Variants in CIRBP observed in about 807,000 individuals in gnomAD.
The protein encoded by CIRBP is cold-inducible RNA-binding protein.
In CIRBP, 11 loss-of-function variants were observed where a neutral mutation model predicts 22.3. The ratio of observed to expected loss-of-function variants is 0.49; its 90% confidence interval spans 0.31 to 0.82. CIRBP has a LOEUF of 0.82. Ranked by LOEUF, CIRBP falls within the 40% of genes least tolerant of loss-of-function variation. The pLI is 0.05. For missense variants in CIRBP, 456 were observed against 402.7 expected, an observed-to-expected ratio of 1.13 and a Z score of -1.13; for synonymous variants, 216 against 158.8, an observed-to-expected ratio of 1.36 and a Z score of -2.71.
intron 5 of CIRBP, 70 bp from the exon 6 acceptor site, chr19:1,271,911 G>A: frequency 2.2e-6 from 3 of 1,393,390 alleles, no homozygotes; most frequent in African/African-American, 1.4e-5. Flanking sequence ...GGGGCTGGCG[G>A]CTCAGCCTGT....
chr19:1,274,426 G>C lies in CIRBP; in HGVS notation c.*1983G>C, dbSNP rs2081389223. The C allele has an allele frequency of 2.5e-6, 1 of 399,568 alleles. No homozygotes were observed. The highest frequency in any genetic ancestry group is 2.1e-5 in the African/African-American group (1 of 48,690). 24.8% of individuals were successfully genotyped at this position (399,568 alleles called of 1,614,324 possible). On this transcript the variant is annotated 3_prime_UTR_variant, in exon 6 of 6. Transcript: ENST00000587896. Reference sequence around the variant, plus strand: ...AGAGCTGGAGGCAGCCGCTTGCCCAGGAGGCTTGTCCCCTGTAAGTGCTTT... The same window carrying C: ...AGAGCTGGAGGCAGCCGCTTGCCCACGAGGCTTGTCCCCTGTAAGTGCTTT...
Position 1,269,905 on chromosome 19 carries a change from G to C in CIRBP, c.-7+495G>C, listed in dbSNP as rs117164395. On this transcript the variant is annotated intron_variant, in intron 1 of 5. Transcript: ENST00000587896. ...CGTAAATCTTGGGTAGGCGTGGCCC[G>C]TTCTAGTGTGGTTCCTCGTCTGCCA... is the stretch of plus-strand genomic sequence containing the variant. 6.7e-5 allele frequency: 35 copies of C among 519,940 alleles called. 1 individual carries two copies. In the East Asian group the frequency reaches 1.8e-3, roughly 27 times the overall value. 32.2% of individuals were successfully genotyped at this position (519,940 alleles called of 1,614,324 possible).
At position 1,270,525 on chromosome 19, in the gene CIRBP, T is replaced by C. The variant is rs536221505; in HGVS notation, c.-6-403T>C. On this transcript the variant is annotated intron_variant, in intron 1 of 5. Coordinates refer to ENST00000587896, the MANE Select transcript of CIRBP (RefSeq NM_001300829.2). Reference sequence around the variant, plus strand: ...GCTCACACCTGTAATCCCAAAACTTTGGGTGGCCAAGGTGGGAGGATTGCT... The same window carrying C: ...GCTCACACCTGTAATCCCAAAACTTCGGGTGGCCAAGGTGGGAGGATTGCT... 1.2e-4 allele frequency among the ~76,000 whole-genome samples: 19 copies of C among 152,240 alleles called. No individual in the cohort carries two copies. In the South Asian group the frequency reaches 3.7e-3, roughly 30 times the overall value.
At chr19:1,269,972 C>G (rs368251962) in intron 1 of CIRBP, 60 of 519,954 alleles carry the variant, frequency 1.2e-4, no homozygotes, top group African/African-American at 1.1e-3. Context: ...GTTGGCACAG[C>G]TCCCAGTGCC....
In CIRBP at chr19:1,272,691, CTT is replaced by C. The variant is rs2081363210; in HGVS notation, c.*253_*254del. 2.6e-6 allele frequency: 1 copy of C among 383,768 alleles called. No individual in the cohort carries two copies. Among genetic ancestry groups the C allele is most frequent in the Non-Finnish European group, 4.7e-6 (1 of 214,172 alleles). 23.8% of individuals were successfully genotyped at this position (383,768 alleles called of 1,614,324 possible). A position where few individuals can be genotyped will look rare whatever the true frequency, so the allele number is the denominator to read the frequency against. On this transcript the variant is annotated 3_prime_UTR_variant, in exon 6 of 6. Coordinates refer to ENST00000587896, the MANE Select transcript of CIRBP (RefSeq NM_001300829.2). ...TTCAAAACATTTTGAAAAGCATTTA[CTT>C]TTTTGACCACGAGCCATGAGTTTTC...
Position 1,274,625 on chromosome 19 carries a change from T to G in CIRBP, c.*2182T>G. 3.8e-6 allele frequency: 1 copy of G among 266,164 alleles called. No individual in the cohort carries two copies. The highest frequency in any genetic ancestry group is 7.0e-6 in the Non-Finnish European group (1 of 142,068). The allele number at this position is 266,164 out of a possible 1,614,324, so 16.5% of individuals were successfully genotyped here. A position where few individuals can be genotyped will look rare whatever the true frequency, so the allele number is the denominator to read the frequency against. On this transcript the variant is annotated 3_prime_UTR_variant, in exon 6 of 6. Coordinates refer to ENST00000587896, the MANE Select transcript of CIRBP (RefSeq NM_001300829.2). ...CCCCGCCTGGAGCCCGCGCCTGTTC[T>G]CCCTCCCTTCCTCCTCCTTCCAGGA...
intron 5 of CIRBP, 65 bp downstream of exon 5, chr19:1,271,697 C>G (rs2081343950): frequency 2.8e-6 from 3 of 1,083,952 alleles, no homozygotes; most frequent in African/African-American, 1.6e-5. Context: ...TCCCGGGTCC[C>G]AGGTCCCTGG....
chr19:1,272,010 G>A lies in CIRBP; in HGVS notation c.461G>A (p.Arg154Gln), dbSNP rs529222296. Residue 154 changes from arginine (R) to glutamine (Q), a missense_variant, in exon 6 of 6, where the codon CGG becomes CAG. Transcript: ENST00000587896. ...AGTCAGAGTGGTGGCTACAGTGACCGGAGCTCGGGCGGGTCCTACAGAGAC... is the reference window on the plus strand; with the variant it reads ...AGTCAGAGTGGTGGCTACAGTGACCAGAGCTCGGGCGGGTCCTACAGAGAC... Reference protein sequence around the residue: ...SRSQSGGYSDRSSGGSYRDSY... With the variant: ...SRSQSGGYSDQSSGGSYRDSY... 17 of 1,612,068 alleles carry A rather than the reference G, an allele frequency of 1.1e-5. No homozygotes were observed. Among genetic ancestry groups the A allele is most frequent in the East Asian group, 2.2e-5 (1 of 44,832 alleles).
At position 1,274,496 on chromosome 19, in the gene CIRBP, C is replaced by T; in HGVS notation, c.*2053C>T. 5 of 390,874 alleles carry T rather than the reference C, an allele frequency of 1.3e-5. No homozygotes were observed. Among genetic ancestry groups the T allele is most frequent in the African/African-American group, 6.2e-5 (3 of 48,550 alleles). 24.2% of individuals were successfully genotyped at this position (390,874 alleles called of 1,614,324 possible). A position where few individuals can be genotyped will look rare whatever the true frequency, so the allele number is the denominator to read the frequency against. ...CGCTGAGCCCTGTCCCGGGCGGCACCTGGGCGTTTCAGTGAGTCCTGCTCT... is the reference window on the plus strand; with the variant it reads ...CGCTGAGCCCTGTCCCGGGCGGCACTTGGGCGTTTCAGTGAGTCCTGCTCT... On this transcript the variant is annotated 3_prime_UTR_variant, in exon 6 of 6. Transcript: ENST00000587896.
At chr19:1,270,523 T>C (rs1244527162) in intron 1 of CIRBP, among the ~76,000 whole-genome samples, 1 of 152,110 alleles carries the variant, frequency 6.6e-6, no homozygotes. Flanking sequence ...ATCCCAAAAC[T>C]TTGGGTGGCC....
intron 2 of CIRBP, 38 bp from the exon 3 acceptor site, chr19:1,271,102 A>C: frequency 1.2e-6 from 2 of 1,611,482 alleles, no homozygotes; most frequent in Non-Finnish European, 1.7e-6. Flanking sequence ...CTGGAAGTAC[A>C]GCTGGGTGCT....
intron 5 of CIRBP, 158 bp from the exon 6 acceptor site, chr19:1,271,823 G>T: frequency 1.4e-6 from 1 of 736,284 alleles, no homozygotes; most frequent in South Asian, 1.8e-5. Flanking sequence ...GGGACAGGCT[G>T]GTGGAGATTT....
At position 1,272,636 on chromosome 19, in the gene CIRBP, T is replaced by G. The variant is rs2081362386; in HGVS notation, c.*193T>G. ...TGGCCTCGTTACTAGACTTTTCTTT[T>G]TAAGGAAGTGCTGTTTTTTTTTGAG... On this transcript the variant is annotated 3_prime_UTR_variant, in exon 6 of 6. Coordinates refer to ENST00000587896, the MANE Select transcript of CIRBP (RefSeq NM_001300829.2). 8.5e-6 allele frequency: 4 copies of G among 469,048 alleles called. No individual in the cohort carries two copies. The highest frequency in any genetic ancestry group is 1.5e-5 in the Non-Finnish European group (4 of 262,214). The allele number at this position is 469,048 out of a possible 1,614,324, so 29.1% of individuals were successfully genotyped here.
intron 1 of CIRBP, chr19:1,269,799 A>G (rs1202157567): frequency 2.0e-6 from 1 of 511,768 alleles, no homozygotes; most frequent in Admixed American, 2.0e-5. Flanking sequence ...GGCTGGAGGT[A>G]TCCACACACC....
At chr19:1,271,749 G>C in intron 5 of CIRBP, 117 bp downstream of exon 5, 1 of 761,682 alleles carries the variant, frequency 1.3e-6, no homozygotes, top group Non-Finnish European at 2.1e-6. Flanking sequence ...GCAGAGGCAG[G>C]TGGGGACCCA....
At position 1,272,812 on chromosome 19, in the gene CIRBP, G is replaced by C. The variant is rs569289221; in HGVS notation, c.*369G>C. The C allele has an allele frequency of 2.3e-5, 4 of 174,172 alleles. No individual in the cohort carries two copies. The highest frequency in any genetic ancestry group is 4.8e-5 in the African/African-American group (2 of 42,016). The allele number at this position is 174,172 out of a possible 1,614,324, so 10.8% of individuals were successfully genotyped here. On this transcript the variant is annotated 3_prime_UTR_variant, in exon 6 of 6. Transcript: ENST00000587896. ...TTAGTGGGGTTGGCCCCATGAAGTG[G>C]GTGCCCCACTCACTTCTCTGAGATC...
chr19:1,270,209 CG>C, intron 1 of CIRBP: 1 of 422,064 alleles, frequency 2.4e-6, no homozygotes, highest in South Asian at 1.7e-5. Flanking sequence ...CCCCCCAGGA[CG>C]GGGCGGCCTC....
At chr19:1,271,924 T>C (rs770547263) in intron 5 of CIRBP, 57 bp from the exon 6 acceptor site, 6 of 1,475,094 alleles carry the variant, frequency 4.1e-6, no homozygotes, top group East Asian at 4.6e-5. Flanking sequence ...CAGCCTGTTG[T>C]GGCAGAGCAG....
chr19:1,269,369 C>G lies in CIRBP; in HGVS notation c.-48C>G, dbSNP rs1451363468. 1 of 151,912 alleles carries G rather than the reference C, an allele frequency of 6.6e-6. No individual in the cohort carries two copies. Among genetic ancestry groups the G allele is most frequent in the Non-Finnish European group, 1.5e-5 (1 of 67,968 alleles). The allele number at this position is 151,912 out of a possible 1,614,324, so 9.4% of individuals were successfully genotyped here. ...TTAGGAGGCTCGGGTCGTTGTGGTG[C>G]GCTGTCTTCCCGCTTGCGTCAGGGA... is the stretch of plus-strand genomic sequence containing the variant. On this transcript the variant is annotated 5_prime_UTR_variant, in exon 1 of 6. Coordinates refer to ENST00000587896, the MANE Select transcript of CIRBP (RefSeq NM_001300829.2).
Sources: allele counts gnomAD v4.1 joint callset (sites outside exome capture counted in the v4.1 genomes callset), GRCh38; gene constraint gnomAD v4.1.1; transcripts MANE v1.5; gene names NCBI Gene and HGNC (gene_info 2026-07-23, HGNC 2026-07-21).